The following GPHN variants were observed in gnomAD, a reference collection of about 807,000 sequenced individuals.
GPHN encodes the protein gephyrin.
In GPHN, 17 loss-of-function variants were observed where a neutral mutation model predicts 95.5. The observed-to-expected ratio is 0.18, with a 90% CI of 0.12 to 0.27. GPHN has a LOEUF of 0.27. Among genes scored for constraint, GPHN ranks in the 10% least tolerant of loss-of-function variants. The probability of loss-of-function intolerance (pLI) is 1.00; values close to 1 mark genes in which losing one functional copy is unlikely to be tolerated. For missense variants in GPHN, 660 were observed against 978.1 expected (o/e 0.67, Z 4.34); for synonymous variants, 320 against 322.5 (o/e 0.99, Z 0.08).
intron 18 of GPHN, among the ~76,000 whole-genome samples, chr14:67,147,153 T>C (rs2080946552): frequency 6.6e-6 from 1 of 152,266 alleles, no homozygotes; most frequent in African/African-American, 2.4e-5. Context: ...GAGTTAGCAG[T>C]CTGCTTTCCT....
the GPHN span, among the ~76,000 whole-genome samples, chr14:67,191,803 G>A: frequency 1.3e-3 from 196 of 152,292 alleles, 1 homozygote; most frequent in African/African-American, 3.9e-3. Flanking sequence ...AAGAACTAGC[G>A]TTGGTTTCCG....
At chr14:66,831,913 G>A (rs779013982) in intron 4 of GPHN, among the ~76,000 whole-genome samples, 73 of 152,126 alleles carry the variant, frequency 4.8e-4, no homozygotes, top group Non-Finnish European at 6.8e-4. Flanking sequence ...TTGGGAGGCC[G>A]AGGTGGGTGG....
intron 2 of GPHN, among the ~76,000 whole-genome samples, chr14:66,771,945 T>A (rs1482865342): frequency 6.6e-6 from 1 of 152,102 alleles, no homozygotes; most frequent in African/African-American, 2.4e-5. Flanking sequence ...TTATTTCTCC[T>A]AGGAGCAGTG....
intron 16 of GPHN, among the ~76,000 whole-genome samples, chr14:67,114,311 T>A (rs1310589721): frequency 6.6e-6 from 1 of 152,230 alleles, no homozygotes; most frequent in Non-Finnish European, 1.5e-5. Flanking sequence ...TTAAACTGGT[T>A]GACTCAGTGA....
chr14:66,548,243 C>G (rs550098712), intron 1 of GPHN, among the ~76,000 whole-genome samples: 1 of 149,374 alleles, frequency 6.7e-6, no homozygotes, highest in Non-Finnish European at 1.5e-5. Flanking sequence ...TGCAATGGCA[C>G]GATCTCGGCT....
chr14:67,267,018 GATC>G, the GPHN span, among the ~76,000 whole-genome samples: 1 of 151,974 alleles, frequency 6.6e-6, no homozygotes, highest in Non-Finnish European at 1.5e-5. Context: ...GAAGCGGGAA[GATC>G]ACTTGAGCCT....
chr14:67,575,990 C>T, the GPHN span: 1 of 1,611,756 alleles, frequency 6.2e-7, no homozygotes, highest in South Asian at 1.1e-5. Flanking sequence ...TCCTCATTGG[C>T]ACCAAGCATG....
At chr14:67,121,271 A>C (rs1176377495) in intron 16 of GPHN, among the ~76,000 whole-genome samples, 1 of 152,190 alleles carries the variant, frequency 6.6e-6, no homozygotes, top group Admixed American at 6.5e-5. Context: ...TAGGTATTTT[A>C]TAATCTAATA....
Position 66,632,734 on chromosome 14 carries a change from G to A in GPHN, c.65-48373G>A, listed in dbSNP as rs147411041. On this transcript the variant is annotated intron_variant, in intron 1 of 22. Coordinates refer to ENST00000478722, the MANE Select transcript of GPHN (RefSeq NM_020806.5). ...TCTCCAACTTCTGACCTCGTGATCC[G>A]CCTGCCTGGGCCTACCAAAGTGCTG... Among the ~76,000 whole-genome samples the A allele has an allele frequency of 7.9e-3, 1,205 of 152,000 alleles. 25 individuals are homozygous for A. Among genetic ancestry groups the A allele is most frequent in the African/African-American group, 0.028 (1,145 of 41,486 alleles).
chr14:67,541,924 G>A, the GPHN span: 2 of 1,606,288 alleles, frequency 1.2e-6, no homozygotes, highest in African/African-American at 1.3e-5. Flanking sequence ...AACGCTGCCT[G>A]ACCCTGGAAA....
chr14:66,549,937 G>A (rs2059752205), intron 1 of GPHN, among the ~76,000 whole-genome samples: 2 of 152,092 alleles, frequency 1.3e-5, no homozygotes, highest in African/African-American at 4.8e-5. Flanking sequence ...GCCTATTATT[G>A]ATACCTACTG....
the GPHN span, chr14:67,663,193 T>C: frequency 1.3e-6 from 2 of 1,524,124 alleles, no homozygotes; most frequent in Non-Finnish European, 1.8e-6. Flanking sequence ...AATCTCCCCT[T>C]TGAACAAAAA....
At chr14:66,577,724 G>A (rs957806627) in intron 1 of GPHN, among the ~76,000 whole-genome samples, 3 of 151,862 alleles carry the variant, frequency 2.0e-5, no homozygotes, top group Non-Finnish European at 4.4e-5. Flanking sequence ...ACTAAATAAA[G>A]CAAAGGAAAG....
the GPHN span, among the ~76,000 whole-genome samples, chr14:67,220,760 A>G: frequency 6.6e-6 from 1 of 152,192 alleles, no homozygotes. Context: ...GTCTCGCTTA[A>G]CCTTCATTTA....
intron 9 of GPHN, among the ~76,000 whole-genome samples, chr14:67,010,448 A>C (rs1309839470): frequency 6.7e-6 from 1 of 148,986 alleles, no homozygotes; most frequent in Non-Finnish European, 1.5e-5. Context: ...GTTACTCGGG[A>C]GGTTGAGGCA....
chr14:67,201,327 T>G, the GPHN span: 1 of 362,602 alleles, frequency 2.8e-6, no homozygotes, highest in Non-Finnish European at 5.4e-6. Context: ...TTAAAAAAAT[T>G]TAAAAGAGAG....
intron 2 of GPHN, among the ~76,000 whole-genome samples, chr14:66,735,993 A>G (rs191612048): frequency 6.6e-6 from 1 of 152,216 alleles, no homozygotes; most frequent in Non-Finnish European, 1.5e-5. Context: ...TTGCTAGGTT[A>G]CACAGCTAAC....
the GPHN span, chr14:67,582,001 C>T: frequency 1.3e-6 from 2 of 1,483,960 alleles, no homozygotes; most frequent in Non-Finnish European, 1.8e-6. This position sits in a 1 kb window ranked among gnomAD's most constrained non-coding sequence, Gnocchi z 5.0. Flanking sequence ...AGGTAACAGA[C>T]CCAGAGAAAG....
At chr14:67,008,076 C>G (rs1299281955) in intron 9 of GPHN, among the ~76,000 whole-genome samples, 1 of 152,118 alleles carries the variant, frequency 6.6e-6, no homozygotes, top group African/African-American at 2.4e-5. Context: ...CATACTATGT[C>G]ATTTGCTTTA....
Sources: gnomAD v4.1 joint callset for allele counts (sites outside exome capture counted in the v4.1 genomes callset) on GRCh38, gnomAD v4.1.1 for gene constraint, Gnocchi (gnomAD v3.1) non-coding constraint, MANE v1.5 for transcripts, NCBI Gene and HGNC (gene_info 2026-07-23, HGNC 2026-07-21) for gene names.